COMMD1: variants seen among roughly 807,000 people sequenced by gnomAD.
The protein encoded by COMMD1 is copper metabolism domain containing 1, also known as COMM domain-containing protein 1.
Under a neutral mutation model 17.2 loss-of-function variants are expected in COMMD1, and 10 were observed. That is an observed-to-expected ratio of 0.58 (90% CI 0.36 to 0.99). The LOEUF is 0.99. COMMD1 is among the 50% of genes least tolerant of loss of function. The probability of loss-of-function intolerance (pLI) is 0.01; values close to 1 mark genes in which losing one functional copy is unlikely to be tolerated. For missense variants in COMMD1, 270 were observed against 231.8 expected (o/e 1.17, Z -1.07); for synonymous variants, 97 against 91.6 (o/e 1.06, Z -0.34).
chr2:62,009,728 A>G (rs1275162823), intron 2 of COMMD1, among the ~76,000 whole-genome samples: 1 of 152,114 alleles, frequency 6.6e-6, no homozygotes, highest in Non-Finnish European at 1.5e-5. Context: ...ATTCAAGCTA[A>G]CTCTGAATTA....
chr2:62,070,145 A>G (rs1671159846), intron 2 of COMMD1: 1 of 152,218 alleles, frequency 6.6e-6, no homozygotes, highest in Non-Finnish European at 1.5e-5. Context: ...TTCAGGCTCT[A>G]TAATTAGAAC....
At chr2:62,040,867 C>T (rs1670173061) in intron 2 of COMMD1, among the ~76,000 whole-genome samples, 3 of 152,210 alleles carry the variant, frequency 2.0e-5, no homozygotes, top group African/African-American at 7.2e-5. Context: ...TGCACCACCA[C>T]ACCTGGCTAG....
intron 2 of COMMD1, among the ~76,000 whole-genome samples, chr2:62,134,501 C>T (rs908904898): frequency 6.6e-6 from 1 of 151,318 alleles, no homozygotes; most frequent in Non-Finnish European, 1.5e-5. Flanking sequence ...CAAGATAATG[C>T]AGATGTAGAA....
At chr2:62,002,776 A>G (rs1668986829) in intron 2 of COMMD1, among the ~76,000 whole-genome samples, 1 of 151,906 alleles carries the variant, frequency 6.6e-6, no homozygotes, top group Non-Finnish European at 1.5e-5. Flanking sequence ...GAATTGCTTC[A>G]TCCTGGGAGG....
At chr2:61,977,579 A>T (rs1671839793) in intron 1 of COMMD1, among the ~76,000 whole-genome samples, 1 of 152,084 alleles carries the variant, frequency 6.6e-6, no homozygotes, top group African/African-American at 2.4e-5. Context: ...TTGGAACCCA[A>T]TTGTTTCTAA....
At chr2:61,976,390 C>G (rs1037286827) in intron 1 of COMMD1, among the ~76,000 whole-genome samples, 3 of 152,066 alleles carry the variant, frequency 2.0e-5, no homozygotes, top group African/African-American at 7.2e-5. Flanking sequence ...ACTGAACAGA[C>G]TTCAGAGCAA....
At chr2:61,889,928 A>AAGT (rs1669383663) in intron 1 of COMMD1, among the ~76,000 whole-genome samples, 1 of 152,208 alleles carries the variant, frequency 6.6e-6, no homozygotes, top group Admixed American at 6.5e-5. Flanking sequence ...TCCTTTACTT[A>AAGT]AAAGGTGAGA....
At chr2:62,080,051 T>C (rs1248735110) in intron 2 of COMMD1, among the ~76,000 whole-genome samples, 1 of 152,212 alleles carries the variant, frequency 6.6e-6, no homozygotes, top group African/African-American at 2.4e-5. Flanking sequence ...GATTTCCTCC[T>C]GTAGTAATGA....
At chr2:61,939,550 T>A (rs1374161384) in intron 1 of COMMD1, among the ~76,000 whole-genome samples, 1 of 152,144 alleles carries the variant, frequency 6.6e-6, no homozygotes, top group East Asian at 1.9e-4. Flanking sequence ...CCTAAAAATA[T>A]GCTATTTTAG....
At chr2:61,899,877 G>A (rs1669623486) in intron 1 of COMMD1, among the ~76,000 whole-genome samples, 1 of 152,104 alleles carries the variant, frequency 6.6e-6, no homozygotes, top group African/African-American at 2.4e-5. Context: ...TTACTGTGTT[G>A]GCTAGGCTGG....
At chr2:61,958,866 C>A (rs776205522) in intron 1 of COMMD1, among the ~76,000 whole-genome samples, 4 of 151,980 alleles carry the variant, frequency 2.6e-5, no homozygotes, top group Non-Finnish European at 4.4e-5. Flanking sequence ...TCTAGACTTT[C>A]TTGTTGATAG....
chr2:61,980,523 G>GT (rs1483630353), intron 1 of COMMD1, among the ~76,000 whole-genome samples: 1 of 129,472 alleles, frequency 7.7e-6, no homozygotes, highest in Non-Finnish European at 1.6e-5. Context: ...TTCTTCATGT[G>GT]TTTTTTAGCT....
At chr2:62,091,102 G>A (rs1671813783) in intron 2 of COMMD1, among the ~76,000 whole-genome samples, 2 of 152,186 alleles carry the variant, frequency 1.3e-5, no homozygotes, top group South Asian at 2.1e-4. Flanking sequence ...GATTCCATTT[G>A]TAGTACAATA....
chr2:62,103,919 C>G (rs10165684), intron 2 of COMMD1, among the ~76,000 whole-genome samples: 6 of 152,074 alleles, frequency 3.9e-5, no homozygotes, highest in African/African-American at 1.4e-4. Context: ...CGGCTTACTG[C>G]GACCTCTGCC....
intron 1 of COMMD1, among the ~76,000 whole-genome samples, chr2:61,985,041 C>CTTTTT (rs61613631): frequency 3.7e-5 from 5 of 134,206 alleles, no homozygotes; most frequent in African/African-American, 1.4e-4. Flanking sequence ...CTATGTGTGT[C>CTTTTT]TTTTTTTTTT....
chr2:62,121,371 C>CACAAAAAA lies in COMMD1; in HGVS notation c.463-14459_463-14458insCAAAAAAA, dbSNP rs1672740274. On this transcript the variant is annotated intron_variant, in intron 2 of 2. Coordinates refer to ENST00000311832, the MANE Select transcript of COMMD1 (RefSeq NM_152516.4). ...GGCAACAGAGTGAGAGACTCTTTCT[C>CACAAAAAA]AAAAAAAAAAAAAAAAAAAAAAAAA... 4.2e-5 allele frequency among the ~76,000 whole-genome samples: 2 copies of CACAAAAAA among 47,230 alleles called. 1 individual carries two copies. Among genetic ancestry groups the CACAAAAAA allele is most frequent in the Non-Finnish European group, 7.4e-5 (2 of 27,076 alleles). The allele number at this position is 47,230 out of a possible 152,430, so 31.0% of individuals were successfully genotyped here.
chr2:62,098,420 T>G (rs1672077126), intron 2 of COMMD1, among the ~76,000 whole-genome samples: 2 of 152,122 alleles, frequency 1.3e-5, no homozygotes, highest in African/African-American at 2.4e-5. Flanking sequence ...CTCCTTTTCT[T>G]TCTTAATGAT....
chr2:62,035,928 C>T (rs1670025789), intron 2 of COMMD1, among the ~76,000 whole-genome samples: 1 of 151,640 alleles, frequency 6.6e-6, no homozygotes, highest in Non-Finnish European at 1.5e-5. Context: ...GTGGCATGTG[C>T]CTGTAGTCCC....
intron 1 of COMMD1, among the ~76,000 whole-genome samples, chr2:61,957,477 G>GT (rs1671228764): frequency 2.0e-5 from 3 of 152,132 alleles, no homozygotes; most frequent in Admixed American, 6.5e-5. Flanking sequence ...GTGGTTTTCT[G>GT]TTTTTTGCCA....
Sources: allele counts gnomAD v4.1 joint callset (sites outside exome capture counted in the v4.1 genomes callset), GRCh38; gene constraint gnomAD v4.1.1; transcripts MANE v1.5; gene names NCBI Gene and HGNC (gene_info 2026-07-23, HGNC 2026-07-21).